LRRK1: variants seen among roughly 807,000 people sequenced by gnomAD.
LRRK1 encodes the protein leucine-rich repeat serine/threonine-protein kinase 1.
LRRK1 carries 113 observed loss-of-function variants against 209.1 expected under a neutral mutation model. The observed-to-expected ratio is 0.54, with a 90% CI of 0.46 to 0.63. The LOEUF is 0.63. LRRK1 is among the 30% of genes least tolerant of loss of function. LRRK1 has a pLI of 0.00. For missense variants in LRRK1, 2,284 were observed against 2,632.2 expected (o/e 0.87, Z 2.89); for synonymous variants, 1,144 against 1,099.7 (o/e 1.04, Z -0.80).
At chr15:101,000,089 T>A (rs1172408895) in intron 6 of LRRK1, among the ~76,000 whole-genome samples, 1 of 152,226 alleles carries the variant, frequency 6.6e-6, no homozygotes, top group Admixed American at 6.5e-5. Flanking sequence ...AGTCTTTTAT[T>A]TAAGTGGGTA....
chr15:101,046,567 T>G (rs1219694891), intron 21 of LRRK1, among the ~76,000 whole-genome samples: 1 of 152,202 alleles, frequency 6.6e-6, no homozygotes, highest in Non-Finnish European at 1.5e-5. Flanking sequence ...AACCGTGAAG[T>G]TAGAAGCACG....
At chr15:101,059,072 G>C (rs1367992763) in intron 29 of LRRK1, among the ~76,000 whole-genome samples, 1 of 152,168 alleles carries the variant, frequency 6.6e-6, no homozygotes, top group African/African-American at 2.4e-5. Context: ...TGACACAGAC[G>C]TACTCTAAGA....
rs2036157455 is a variant in LRRK1 at position 101,061,228 on chromosome 15, C to T, written c.4737C>T (p.Cys1579=). The T allele has an allele frequency of 6.2e-7, 1 of 1,614,056 alleles. No individual in the cohort carries two copies. Among genetic ancestry groups the T allele is most frequent in the African/African-American group, 1.3e-5 (1 of 74,930 alleles). The change falls in exon 30 of 34, where the codon TGC becomes TGT. Residue 1579 remains cysteine (C), a synonymous_variant. Coordinates refer to ENST00000388948, the MANE Select transcript of LRRK1 (RefSeq NM_024652.6). ...KGLMEVQRMC[C]PGMKVSCQLQ... is the part of the protein sequence containing the mutation. ...TCATGGAGGTGCAGAGGATGTGCTG[C>T]CCTGGGATGAAGGTGAGCTGCCAGC...
At chr15:101,058,969 C>T (rs573627549) in intron 29 of LRRK1, among the ~76,000 whole-genome samples, 3 of 152,218 alleles carry the variant, frequency 2.0e-5, no homozygotes, top group African/African-American at 4.8e-5. Flanking sequence ...GAGCTTGAGA[C>T]ATAATAAGAT....
At chr15:101,053,445 G>T (rs762075888) in intron 26 of LRRK1, 25 bp downstream of exon 26, 1 of 1,544,460 alleles carries the variant, frequency 6.5e-7, no homozygotes, top group Non-Finnish European at 8.7e-7. Context: ...CGCCCCACCC[G>T]GCCCCGGAGA....
chr15:100,985,908 C>G (rs2031839752), intron 4 of LRRK1, among the ~76,000 whole-genome samples: 1 of 152,076 alleles, frequency 6.6e-6, no homozygotes, highest in Non-Finnish European at 1.5e-5. Flanking sequence ...AGAAGACAAA[C>G]AAGAGTCAGG....
At chr15:101,035,927 CT>C (rs1198062417) in intron 20 of LRRK1, among the ~76,000 whole-genome samples, 10 of 152,172 alleles carry the variant, frequency 6.6e-5, no homozygotes, top group Non-Finnish European at 1.5e-5. Flanking sequence ...TAGGGCCAGT[CT>C]ATTAGTGACA....
At position 101,070,121 on chromosome 15, in the gene LRRK1, C is replaced by G. The variant is rs996813533; in HGVS notation, c.*1273C>G. On this transcript the variant is annotated 3_prime_UTR_variant, in exon 34 of 34. Coordinates refer to ENST00000388948, the MANE Select transcript of LRRK1 (RefSeq NM_024652.6). ...ATTCTTTCAAGAACGAAGCTGTGGC[C>G]TCTGTCTTTTGAGCGCTTATGACCA... 3 of 152,124 alleles carry G rather than the reference C, an allele frequency of 2.0e-5. No homozygotes were observed. The highest frequency in any genetic ancestry group is 7.2e-5 in the African/African-American group (3 of 41,398). The allele number at this position is 152,124 out of a possible 1,614,324, so 9.4% of individuals were successfully genotyped here.
At position 100,970,078 on chromosome 15, in the gene LRRK1, C is replaced by T. The variant is rs369577219; in HGVS notation, c.98-3726C>T. Among the ~76,000 whole-genome samples the T allele has an allele frequency of 1.6e-4, 24 of 152,156 alleles. 2 individuals are homozygous for T. Among genetic ancestry groups the T allele is most frequent in the Admixed American group, 7.8e-4 (12 of 15,292 alleles). ...TAATTTTTTGTATTTTTAGTAGAGA[C>T]GGGGTTTCACCATGTTGGCCTGGCT... On this transcript the variant is annotated intron_variant, in intron 2 of 33. Coordinates refer to ENST00000388948, the MANE Select transcript of LRRK1 (RefSeq NM_024652.6).
At chr15:100,955,564 C>A (rs1188243272) in intron 2 of LRRK1, among the ~76,000 whole-genome samples, 1 of 152,150 alleles carries the variant, frequency 6.6e-6, no homozygotes, top group East Asian at 1.9e-4. Context: ...TGTCTTGTTC[C>A]TGATCTTGGA....
chr15:101,029,812 G>T (rs2034204296), intron 20 of LRRK1, among the ~76,000 whole-genome samples: 1 of 152,180 alleles, frequency 6.6e-6, no homozygotes, highest in Admixed American at 6.5e-5. Context: ...AGGTTGCAGT[G>T]AACAGAGATC....
intron 2 of LRRK1, among the ~76,000 whole-genome samples, chr15:100,938,944 CT>C (rs1370171290): frequency 6.6e-6 from 1 of 151,710 alleles, no homozygotes; most frequent in Admixed American, 6.6e-5. Context: ...ATACAAAAAA[CT>C]AGCGAGGCAT....
In LRRK1 at chr15:101,025,973, C is replaced by T. The variant is rs373323446; in HGVS notation, c.2241C>T (p.Ala747=). The T allele has an allele frequency of 9.3e-6, 15 of 1,614,054 alleles. No homozygotes were observed. The highest frequency in any genetic ancestry group is 1.7e-5 in the Admixed American group (1 of 60,012). The part of the protein sequence containing the change: ...QFWLLNIEAK[A]PNAVVLVVGT... ...GGGGTTCTCTGTTGCAGGCCAAGGCCCCAAACGCCGTGGTGCTGGTGGTCG... is the reference window on the plus strand; with the variant it reads ...GGGGTTCTCTGTTGCAGGCCAAGGCTCCAAACGCCGTGGTGCTGGTGGTCG... Residue 747 remains alanine, a synonymous_variant, in exon 17 of 34, where the codon GCC becomes GCT. Transcript: ENST00000388948.
Position 100,968,691 on chromosome 15 carries a change from TTTCCTTCCTTCC to T in LRRK1, c.98-5095_98-5084del, listed in dbSNP as rs60466078. On this transcript the variant is annotated intron_variant, in intron 2 of 33. Coordinates refer to ENST00000388948, the MANE Select transcript of LRRK1 (RefSeq NM_024652.6). ...TTCTTTTTCTTTCTTTCTTTCTTTCTTTCCTTCCTTCCTTCCTTCCTTCCTTCCTCCCTTCCC... is the reference window on the plus strand; with the variant it reads ...TTCTTTTTCTTTCTTTCTTTCTTTCTTTCCTTCCTTCCTTCCTCCCTTCCC... Among the ~76,000 whole-genome samples, 41 of 134,678 alleles carry T rather than the reference TTTCCTTCCTTCC, an allele frequency of 3.0e-4. 1 individual carries two copies. Among genetic ancestry groups the T allele is most frequent in the Admixed American group, 2.9e-3 (37 of 12,734 alleles). 88.4% of individuals were successfully genotyped at this position (134,678 alleles called of 152,430 possible). A position where few individuals can be genotyped will look rare whatever the true frequency, so the allele number is the denominator to read the frequency against.
At chr15:100,983,507 G>T (rs752164990) in intron 3 of LRRK1, 21 bp from the exon 4 acceptor site, 1 of 1,562,712 alleles carries the variant, frequency 6.4e-7, no homozygotes, top group South Asian at 1.2e-5. Context: ...TCTCACTGGA[G>T]CCCTGTTCTG....
rs1283473138 is a variant in LRRK1, at chr15:101,075,469, A to G, written c.*6621A>G. The G allele has an allele frequency of 2.4e-5, 3 of 122,966 alleles. 1 individual carries two copies. The highest frequency in any genetic ancestry group is 4.1e-5 in the African/African-American group (1 of 24,418). The allele number at this position is 122,966 out of a possible 1,614,324, so 7.6% of individuals were successfully genotyped here. A position where few individuals can be genotyped will look rare whatever the true frequency, so the allele number is the denominator to read the frequency against. ...ACCTCTACTCCCTCCTTGGTGACCG[A>G]TCATGCACCCCTTACCATCTCATCG... On this transcript the variant is annotated 3_prime_UTR_variant, in exon 34 of 34. Transcript: ENST00000388948.
At chr15:100,931,812 T>C (rs760973233) in intron 2 of LRRK1, among the ~76,000 whole-genome samples, 1 of 152,202 alleles carries the variant, frequency 6.6e-6, no homozygotes, top group African/African-American at 2.4e-5. Flanking sequence ...CAGTGCACTA[T>C]GAGCATTCTC....
intron 3 of LRRK1, among the ~76,000 whole-genome samples, chr15:100,977,471 C>T (rs1375892179): frequency 6.6e-6 from 1 of 152,146 alleles, no homozygotes; most frequent in Non-Finnish European, 1.5e-5. Flanking sequence ...CAGGTGGTGA[C>T]AACATCCCCC....
intron 2 of LRRK1, among the ~76,000 whole-genome samples, chr15:100,954,397 T>C (rs541822910): frequency 1.3e-5 from 2 of 152,366 alleles, no homozygotes; most frequent in East Asian, 3.9e-4. Flanking sequence ...ACATTTTGAA[T>C]ATTAACCCCT....
Sources: gnomAD v4.1 joint callset for allele counts (sites outside exome capture counted in the v4.1 genomes callset) on GRCh38, gnomAD v4.1.1 for gene constraint, MANE v1.5 for transcripts, NCBI Gene and HGNC (gene_info 2026-07-23, HGNC 2026-07-21) for gene names.